Variants in EIF4E observed in about 807,000 individuals in gnomAD.
The protein encoded by EIF4E is eIF-4F 25 kDa subunit.
For synonymous variants in EIF4E, 71 were observed against 88.5 expected (o/e 0.80, Z 1.11); for missense variants, 113 against 265.6 (o/e 0.43, Z 3.99).
At chr4:98,918,062 T>C (rs2110218770) in intron 1 of EIF4E, among the ~76,000 whole-genome samples, 1 of 148,648 alleles carries the variant, frequency 6.7e-6, no homozygotes, top group East Asian at 2.0e-4. Context: ...TGAGACCCTG[T>C]CTCAAAAAAA....
chr4:98,900,955 T>C lies in EIF4E; in HGVS notation c.125+921A>G, dbSNP rs116268788. On this transcript the variant is annotated intron_variant, in intron 2 of 6. Coordinates refer to ENST00000450253, the MANE Select transcript of EIF4E (RefSeq NM_001968.5). ...AACTTCAAGTCACCTGTTCTTACTC[T>C]ATACATCTGTATATCTCCTATTCAC... Among the ~76,000 whole-genome samples, 339 of 152,378 alleles carry C rather than the reference T, an allele frequency of 2.2e-3. 1 individual carries two copies. The highest frequency in any genetic ancestry group is 8.0e-3 in the African/African-American group (331 of 41,586).
intron 5 of EIF4E, among the ~76,000 whole-genome samples, chr4:98,885,735 A>G (rs1327304190): frequency 6.6e-6 from 1 of 152,156 alleles, no homozygotes. Context: ...CACAGGTGTG[A>G]GCCCAGCCCT....
chr4:98,898,712 GT>G (rs1724523109), intron 2 of EIF4E, among the ~76,000 whole-genome samples: 1 of 151,874 alleles, frequency 6.6e-6, no homozygotes, highest in African/African-American at 2.4e-5. Context: ...CATTTCTCAA[GT>G]TTTTCAGGTG....
intron 1 of EIF4E, among the ~76,000 whole-genome samples, chr4:98,907,853 G>A (rs1053961129): frequency 4.6e-5 from 7 of 152,126 alleles, no homozygotes; most frequent in Non-Finnish European, 1.0e-4. Context: ...CAAGAGTTTG[G>A]CACTGAAGTG....
At chr4:98,885,824 GGT>G (rs879717212) in intron 5 of EIF4E, among the ~76,000 whole-genome samples, 14 of 152,046 alleles carry the variant, frequency 9.2e-5, no homozygotes, top group Non-Finnish European at 1.9e-4. Flanking sequence ...ACAGTTCAGT[GGT>G]GTTAAGTACA....
chr4:98,883,203 TG>T (rs1324167298), intron 6 of EIF4E, among the ~76,000 whole-genome samples: 1 of 151,984 alleles, frequency 6.6e-6, no homozygotes, highest in Admixed American at 6.6e-5. Flanking sequence ...ACCCAAGAGG[TG>T]GAGGTTGCAG....
intron 5 of EIF4E, chr4:98,886,246 A>G (rs575175346): frequency 2.3e-5 from 5 of 220,624 alleles, no homozygotes; most frequent in Admixed American, 5.2e-5. Context: ...TAGGGATACA[A>G]AAGAGACTAC....
chr4:98,922,258 T>G (rs2110224610), intron 1 of EIF4E, among the ~76,000 whole-genome samples: 1 of 152,264 alleles, frequency 6.6e-6, no homozygotes, highest in African/African-American at 2.4e-5. Flanking sequence ...ATCTGTACTG[T>G]TAAGAATTAA....
At chr4:98,888,471 G>A (rs1724013975) in intron 3 of EIF4E, among the ~76,000 whole-genome samples, 1 of 152,130 alleles carries the variant, frequency 6.6e-6, no homozygotes, top group African/African-American at 2.4e-5. Flanking sequence ...TCACTGGTTA[G>A]TCAACATAAT....
At chr4:98,904,060 C>T (rs1724759444) in intron 1 of EIF4E, among the ~76,000 whole-genome samples, 1 of 152,146 alleles carries the variant, frequency 6.6e-6, no homozygotes, top group Non-Finnish European at 1.5e-5. Flanking sequence ...AAAAATCCCT[C>T]ACAGGTTTTT....
chr4:98,926,414 T>G (rs1462790842), intron 1 of EIF4E: 2 of 152,080 alleles, frequency 1.3e-5, no homozygotes, highest in African/African-American at 4.8e-5. Flanking sequence ...TGGTGGCACA[T>G]GCCTGTAATC....
intron 1 of EIF4E, 89 bp downstream of exon 1, chr4:98,929,006 G>T: frequency 6.4e-7 from 1 of 1,565,262 alleles, no homozygotes; most frequent in Non-Finnish European, 8.7e-7. Context: ...TACAGTGCGC[G>T]CCGGGAACGC....
At position 98,879,730 on chromosome 4, in the gene EIF4E, T is replaced by C. The variant is rs1318262671; in HGVS notation, c.*1298A>G. ...CAGCAACCAAGTTTTACAACCACTG[T>C]TGCTACCAATCAAATGGTGATGCAT... On this transcript the variant is annotated 3_prime_UTR_variant, in exon 7 of 7. Transcript: ENST00000450253. 1 of 152,108 alleles carries C rather than the reference T, an allele frequency of 6.6e-6. No individual in the cohort carries two copies. Among genetic ancestry groups the C allele is most frequent in the East Asian group, 1.9e-4 (1 of 5,188 alleles). 9.4% of individuals were successfully genotyped at this position (152,108 alleles called of 1,614,324 possible).
At chr4:98,913,387 G>A (rs1418425956) in intron 1 of EIF4E, among the ~76,000 whole-genome samples, 2 of 152,044 alleles carry the variant, frequency 1.3e-5, no homozygotes, top group Non-Finnish European at 2.9e-5. Context: ...CTGGAGTGCA[G>A]GGGTGCAATC....
intron 2 of EIF4E, among the ~76,000 whole-genome samples, chr4:98,895,793 G>A (rs188078132): frequency 6.6e-6 from 1 of 152,204 alleles, no homozygotes; most frequent in Non-Finnish European, 1.5e-5. Context: ...GATCATACCA[G>A]TAATAACAGC....
At chr4:98,891,011 T>C (rs965440157) in intron 3 of EIF4E, 8 of 584,778 alleles carry the variant, frequency 1.4e-5, no homozygotes, top group Non-Finnish European at 6.1e-6. Flanking sequence ...GAGCTAAGGA[T>C]ATCTCAGGAC....
chr4:98,913,554 C>A (rs1168152395), intron 1 of EIF4E, among the ~76,000 whole-genome samples: 1 of 152,092 alleles, frequency 6.6e-6, no homozygotes, highest in Non-Finnish European at 1.5e-5. Context: ...GATCCTCCTG[C>A]CTCAGCCTTC....
At chr4:98,917,135 A>ACACACACAC (rs1560652727) in intron 1 of EIF4E, among the ~76,000 whole-genome samples, 20 of 29,320 alleles carry the variant, frequency 6.8e-4, no homozygotes, top group East Asian at 5.6e-3. Context: ...CACACACACA[A>ACACACACAC]AAAAAACCCA....
chr4:98,915,515 C>T (rs1725338074), intron 1 of EIF4E, among the ~76,000 whole-genome samples: 1 of 151,826 alleles, frequency 6.6e-6, no homozygotes, highest in South Asian at 2.1e-4. Context: ...CCTCATGGGC[C>T]AACAGCCAAT....
Sources: gnomAD v4.1 joint callset for allele counts (sites outside exome capture counted in the v4.1 genomes callset) on GRCh38, gnomAD v4.1.1 for gene constraint, MANE v1.5 for transcripts, NCBI Gene and HGNC (gene_info 2026-07-23, HGNC 2026-07-21) for gene names.